Variants in PTPRT observed in about 807,000 individuals in gnomAD.
PTPRT encodes the protein protein tyrosine phosphatase receptor type T, also known as receptor-type tyrosine-protein phosphatase T.
A neutral mutation model predicts 176.8 loss-of-function variants in PTPRT; 56 were observed. The observed-to-expected ratio is 0.32, with a 90% CI of 0.26 to 0.40. The LOEUF is 0.40. Ranked by LOEUF, PTPRT falls within the 10% of genes least tolerant of loss-of-function variation. The pLI, the probability that PTPRT is intolerant of heterozygous loss-of-function variation, is 1.00. For missense variants in PTPRT, 1,540 were observed against 1,908.2 expected, an observed-to-expected ratio of 0.81 and a Z score of 3.60; for synonymous variants, 783 against 739.0, an observed-to-expected ratio of 1.06 and a Z score of -0.96.
chr20:42,795,427 T>C (rs537660325), intron 2 of PTPRT, among the ~76,000 whole-genome samples: 1 of 152,368 alleles, frequency 6.6e-6, no homozygotes, highest in Non-Finnish European at 1.5e-5. Context: ...ATGGTGGCTA[T>C]TGTGTTTACA....
At chr20:43,110,361 C>G (rs139627119) in intron 1 of PTPRT, among the ~76,000 whole-genome samples, 6 of 152,344 alleles carry the variant, frequency 3.9e-5, no homozygotes, top group Non-Finnish European at 7.3e-5. Context: ...TCCTCCAACA[C>G]TGTGGATCAA....
At chr20:43,165,303 C>T (rs1191709123) in intron 1 of PTPRT, among the ~76,000 whole-genome samples, 3 of 151,838 alleles carry the variant, frequency 2.0e-5, no homozygotes, top group South Asian at 2.1e-4. Flanking sequence ...GGATTACAGG[C>T]GCCTGCCACA....
intron 6 of PTPRT, among the ~76,000 whole-genome samples, chr20:42,740,922 C>A (rs568503706): frequency 6.6e-6 from 1 of 152,272 alleles, no homozygotes; most frequent in African/African-American, 2.4e-5. Context: ...ATGCTATAAA[C>A]CCCTTCCAGT....
chr20:42,520,822 T>C (rs1433816748), intron 7 of PTPRT, among the ~76,000 whole-genome samples: 2 of 142,048 alleles, frequency 1.4e-5, no homozygotes, highest in Non-Finnish European at 3.0e-5. Flanking sequence ...TATATATATA[T>C]GTATGTATGG....
intron 12 of PTPRT, among the ~76,000 whole-genome samples, chr20:42,286,974 A>C (rs1478037384): frequency 6.6e-6 from 1 of 152,050 alleles, no homozygotes; most frequent in Non-Finnish European, 1.5e-5. Context: ...ACAAATGGCC[A>C]ACAAATATAT....
At chr20:42,566,199 A>G (rs1261188983) in intron 7 of PTPRT, among the ~76,000 whole-genome samples, 1 of 152,126 alleles carries the variant, frequency 6.6e-6, no homozygotes, top group Non-Finnish European at 1.5e-5. Context: ...TCTGTGGTAC[A>G]ATCATGGCTC....
rs550070293 is a variant in PTPRT at position 42,628,764 on chromosome 20, C to G, written c.1153+49102G>C. Among the ~76,000 whole-genome samples the G allele has an allele frequency of 1.5e-4, 23 of 152,226 alleles. No individual in the cohort carries two copies. The East Asian group carries it at 4.3e-3, about 28-fold the overall frequency. On this transcript the variant is annotated intron_variant, in intron 7 of 30. Coordinates refer to ENST00000373187, the MANE Select transcript of PTPRT (RefSeq NM_007050.6). The stretch of plus-strand genomic sequence containing the variant: ...ATTCAGCCCATGGGCTAAATTCAAC[C>G]TATTTTTGTAAATAAAGTTTAGTTG...
At chr20:43,063,945 T>C (rs144607815) in intron 1 of PTPRT, among the ~76,000 whole-genome samples, 10 of 152,114 alleles carry the variant, frequency 6.6e-5, no homozygotes, top group African/African-American at 2.2e-4. Flanking sequence ...CCTCAGGAAA[T>C]AAAATTTGCT....
At chr20:43,037,731 C>T (rs1045662767) in intron 1 of PTPRT, among the ~76,000 whole-genome samples, 2 of 152,176 alleles carry the variant, frequency 1.3e-5, no homozygotes, top group Admixed American at 6.5e-5. Flanking sequence ...ACATAACCCT[C>T]ATTGGGTACA....
At chr20:42,701,819 C>T (rs1003596997) in intron 6 of PTPRT, among the ~76,000 whole-genome samples, 1 of 152,084 alleles carries the variant, frequency 6.6e-6, no homozygotes, top group Non-Finnish European at 1.5e-5. Context: ...AAGTAGCCTG[C>T]TACAGTGCTC....
chr20:42,120,718 C>G (rs1987545853), intron 19 of PTPRT, among the ~76,000 whole-genome samples: 1 of 152,182 alleles, frequency 6.6e-6, no homozygotes, highest in South Asian at 2.1e-4. Flanking sequence ...ACATGGCATA[C>G]ATGGAGTGTC....
chr20:42,212,713 C>T (rs528201422), intron 15 of PTPRT, among the ~76,000 whole-genome samples: 7 of 152,264 alleles, frequency 4.6e-5, no homozygotes, highest in African/African-American at 1.7e-4. Flanking sequence ...TGGTATGTTG[C>T]TGGTAAACCA....
intron 7 of PTPRT, among the ~76,000 whole-genome samples, chr20:42,590,420 C>T (rs147555315): frequency 0.011 from 1,600 of 152,268 alleles, 15 homozygotes; most frequent in Non-Finnish European, 0.016. Flanking sequence ...CTGGAGCAAG[C>T]ACCTACTATG....
intron 1 of PTPRT, among the ~76,000 whole-genome samples, chr20:43,090,094 C>A (rs2011761658): frequency 6.6e-6 from 1 of 152,288 alleles, no homozygotes; most frequent in African/African-American, 2.4e-5. Flanking sequence ...CAATCCAAAT[C>A]ATTAATGCTG....
intron 7 of PTPRT, among the ~76,000 whole-genome samples, chr20:42,579,391 C>A (rs1261997396): frequency 1.3e-5 from 2 of 152,114 alleles, no homozygotes; most frequent in African/African-American, 4.8e-5. Flanking sequence ...GTCTTTATAG[C>A]AGCATGATTT....
intron 4 of PTPRT, among the ~76,000 whole-genome samples, chr20:42,777,171 C>G (rs2077149649): frequency 6.6e-6 from 1 of 151,536 alleles, no homozygotes; most frequent in South Asian, 2.1e-4. Flanking sequence ...AGTGACCCTT[C>G]TCCAGCAGCA....
chr20:43,173,862 T>C (rs2015063914), intron 1 of PTPRT, among the ~76,000 whole-genome samples: 2 of 152,190 alleles, frequency 1.3e-5, no homozygotes, highest in Non-Finnish European at 2.9e-5. Context: ...TACTTCTTAT[T>C]CCCATAAAAA....
At chr20:42,396,798 T>C (rs374052259) in intron 9 of PTPRT, among the ~76,000 whole-genome samples, 4 of 152,290 alleles carry the variant, frequency 2.6e-5, no homozygotes, top group Admixed American at 6.5e-5. Context: ...CTCATGGTTA[T>C]CTGCCCACCT....
At chr20:42,849,993 T>C (rs2078440691) in intron 2 of PTPRT, among the ~76,000 whole-genome samples, 1 of 152,194 alleles carries the variant, frequency 6.6e-6, no homozygotes, top group African/African-American at 2.4e-5. Context: ...GGACACAGAT[T>C]ACACAATGGA....
Sources: gnomAD v4.1 joint callset for allele counts (sites outside exome capture counted in the v4.1 genomes callset) on GRCh38, gnomAD v4.1.1 for gene constraint, MANE v1.5 for transcripts, NCBI Gene and HGNC (gene_info 2026-07-23, HGNC 2026-07-21) for gene names.